Variants in NEGR1 observed in about 807,000 individuals in gnomAD.
The protein encoded by NEGR1 is IgLON family member 4.
NEGR1 carries 10 observed loss-of-function variants against 40.9 expected under a neutral mutation model. The observed-to-expected ratio is 0.24, with a 90% CI of 0.15 to 0.42. The LOEUF is 0.42. NEGR1 is among the 10% of genes least tolerant of loss of function. NEGR1 has a pLI of 1.00. For missense variants in NEGR1, 352 were observed against 438.9 expected (o/e 0.80, Z 1.77); for synonymous variants, 185 against 166.8 (o/e 1.11, Z -0.84).
chr1:71,977,522 T>C lies in NEGR1; in HGVS notation c.177-42211A>G, dbSNP rs1018842836. ...CGAGTGTATCTCAACAATGATTTTT[T>C]AGATGACCACTTTAAAGATTTCGTA... On this transcript the variant is annotated intron_variant, in intron 1 of 6. Coordinates refer to ENST00000357731, the MANE Select transcript of NEGR1 (RefSeq NM_173808.3). Among the ~76,000 whole-genome samples the C allele has an allele frequency of 2.0e-5, 3 of 152,120 alleles. No individual in the cohort carries two copies. In the East Asian group the frequency reaches 5.8e-4, roughly 29 times the overall value.
intron 4 of NEGR1, among the ~76,000 whole-genome samples, chr1:71,617,419 G>A (rs992416357): frequency 1.3e-5 from 2 of 152,200 alleles, no homozygotes; most frequent in Admixed American, 6.5e-5. Context: ...TTGTTTATGT[G>A]GGATATATTT....
At chr1:72,107,499 A>T (rs1177650623) in intron 1 of NEGR1, among the ~76,000 whole-genome samples, 1 of 151,582 alleles carries the variant, frequency 6.6e-6, no homozygotes, top group Admixed American at 6.6e-5. Context: ...TTTTGGCTGG[A>T]TTTCTAATTT....
intron 2 of NEGR1, among the ~76,000 whole-genome samples, chr1:71,825,754 A>G (rs1658596992): frequency 6.6e-6 from 1 of 151,882 alleles, no homozygotes; most frequent in Non-Finnish European, 1.5e-5. Context: ...ATTCTTCCTA[A>G]CTCATAATAA....
At chr1:71,584,817 A>G (rs913750511) in intron 6 of NEGR1, among the ~76,000 whole-genome samples, 12 of 152,176 alleles carry the variant, frequency 7.9e-5, no homozygotes, top group Admixed American at 7.2e-4. Context: ...TTTGACTGGA[A>G]ATGTTGGCAT....
intron 4 of NEGR1, among the ~76,000 whole-genome samples, chr1:71,647,288 G>A (rs1435715986): frequency 6.6e-6 from 1 of 151,748 alleles, no homozygotes; most frequent in Non-Finnish European, 1.5e-5. Flanking sequence ...ATCACAGAAA[G>A]TAATCATTTT....
At chr1:71,749,772 G>T (rs1166715886) in intron 3 of NEGR1, among the ~76,000 whole-genome samples, 1 of 152,036 alleles carries the variant, frequency 6.6e-6, no homozygotes, top group East Asian at 1.9e-4. Context: ...TAGTTGTGTT[G>T]GATATTTTCT....
At chr1:72,234,733 G>A (rs924684227) in intron 1 of NEGR1, among the ~76,000 whole-genome samples, 6 of 152,020 alleles carry the variant, frequency 3.9e-5, no homozygotes, top group African/African-American at 1.4e-4. Flanking sequence ...AAACCACAAT[G>A]AGATACCATC....
At chr1:71,444,210 G>A (rs1199932989) in intron 6 of NEGR1, among the ~76,000 whole-genome samples, 1 of 152,100 alleles carries the variant, frequency 6.6e-6, no homozygotes, top group African/African-American at 2.4e-5. Flanking sequence ...TGAAGATATG[G>A]AGATTGTTAT....
At chr1:71,817,582 T>C (rs538710394) in intron 2 of NEGR1, among the ~76,000 whole-genome samples, 2 of 151,948 alleles carry the variant, frequency 1.3e-5, no homozygotes, top group African/African-American at 4.8e-5. Flanking sequence ...AAGATGGCGT[T>C]TAGTTTTTGG....
At chr1:71,988,895 AG>A (rs1455248230) in intron 1 of NEGR1, among the ~76,000 whole-genome samples, 2 of 146,328 alleles carry the variant, frequency 1.4e-5, no homozygotes, top group African/African-American at 5.1e-5. Flanking sequence ...CATGATGTCA[AG>A]GCAATGAGCT....
chr1:72,051,724 A>G (rs1408144285), intron 1 of NEGR1, among the ~76,000 whole-genome samples: 2 of 151,420 alleles, frequency 1.3e-5, no homozygotes, highest in East Asian at 1.9e-4. Context: ...GGAGCTCCCC[A>G]CAAGACTGTG....
chr1:72,277,339 A>G (rs1656089737), intron 1 of NEGR1, among the ~76,000 whole-genome samples: 2 of 152,162 alleles, frequency 1.3e-5, no homozygotes. Context: ...TAAATTCTTT[A>G]GAAGTCAGGT....
chr1:71,479,808 C>A (rs956785694), intron 6 of NEGR1, among the ~76,000 whole-genome samples: 1 of 151,836 alleles, frequency 6.6e-6, no homozygotes, highest in African/African-American at 2.4e-5. Context: ...TGCCAATATG[C>A]AATTAATATT....
intron 6 of NEGR1, among the ~76,000 whole-genome samples, chr1:71,499,096 A>AC (rs1467678454): frequency 6.6e-6 from 1 of 152,158 alleles, no homozygotes; most frequent in Admixed American, 6.6e-5. Flanking sequence ...AATTTAAGTA[A>AC]TGTTAGTTTT....
rs954810603 is a variant in NEGR1, at chr1:71,905,259, T to G, written c.409+29820A>C. ...AACAGCTATGCATAGAAATATTTTATTAGTTTTTAATCACAATATTTTTGA... is the reference window on the plus strand; with the variant it reads ...AACAGCTATGCATAGAAATATTTTAGTAGTTTTTAATCACAATATTTTTGA... On this transcript the variant is annotated intron_variant, in intron 2 of 6. Transcript: ENST00000357731. Among the ~76,000 whole-genome samples, 9 of 152,234 alleles carry G rather than the reference T, an allele frequency of 5.9e-5. No individual in the cohort carries two copies. The South Asian group carries it at 1.2e-3, about 21-fold the overall frequency.
At chr1:72,020,901 A>G (rs2100419858) in intron 1 of NEGR1, among the ~76,000 whole-genome samples, 1 of 152,344 alleles carries the variant, frequency 6.6e-6, no homozygotes, top group South Asian at 2.1e-4. Context: ...GATTAAGCAG[A>G]TTTAAAGAAA....
chr1:72,076,574 C>T (rs1037154641), intron 1 of NEGR1, among the ~76,000 whole-genome samples: 2 of 147,710 alleles, frequency 1.4e-5, no homozygotes, highest in African/African-American at 4.9e-5. Context: ...TGCTATTCTC[C>T]GGCTGGCTGA....
At chr1:71,445,552 T>G (rs1422687550) in intron 6 of NEGR1, among the ~76,000 whole-genome samples, 1 of 151,972 alleles carries the variant, frequency 6.6e-6, no homozygotes, top group African/African-American at 2.4e-5. Context: ...CTGCTTAGAG[T>G]CTGACACAAC....
intron 1 of NEGR1, among the ~76,000 whole-genome samples, chr1:71,974,959 T>TG (rs2100326194): frequency 5.9e-5 from 9 of 152,298 alleles, no homozygotes; most frequent in African/African-American, 2.2e-4. Context: ...TAATGTACAG[T>TG]GAGTCAGTTT....
Sources: gnomAD v4.1 joint callset for allele counts (sites outside exome capture counted in the v4.1 genomes callset) on GRCh38, gnomAD v4.1.1 for gene constraint, MANE v1.5 for transcripts, NCBI Gene and HGNC (gene_info 2026-07-23, HGNC 2026-07-21) for gene names.